Variants in SLC35F3 observed in about 807,000 individuals in gnomAD.
SLC35F3 encodes solute carrier family 35 member F3, also known as putative thiamine transporter SLC35F3.
Under a neutral mutation model 49.9 loss-of-function variants are expected in SLC35F3, and 25 were observed. The observed-to-expected ratio is 0.50, with a 90% CI of 0.37 to 0.70. The LOEUF (loss-of-function observed/expected upper bound fraction) is 0.70. SLC35F3 is among the 30% of genes least tolerant of loss of function. SLC35F3 has a pLI of 0.00. For missense variants in SLC35F3, 525 were observed against 639.8 expected, an observed-to-expected ratio of 0.82 and a Z score of 1.94; for synonymous variants, 275 against 265.4, an observed-to-expected ratio of 1.04 and a Z score of -0.35.
rs142029371 is a variant in SLC35F3, at chr1:234,271,499, G to T, written c.609-37602G>T. Among the ~76,000 whole-genome samples the T allele has an allele frequency of 3.9e-3, 590 of 152,286 alleles. 3 individuals are homozygous for T. The highest frequency in any genetic ancestry group is 5.1e-3 in the Non-Finnish European group (345 of 67,996). ...CAGAGTTTTTTCGTTTTGTGAAAGA[G>T]AAATAATGCTCTTTCTGTTATCTTT... is the stretch of plus-strand genomic sequence containing the variant. On this transcript the variant is annotated intron_variant, in intron 3 of 7. Transcript: ENST00000366618.
At chr1:233,965,266 C>T (rs531059392) in intron 2 of SLC35F3, among the ~76,000 whole-genome samples, 11 of 152,154 alleles carry the variant, frequency 7.2e-5, no homozygotes, top group African/African-American at 2.2e-4. Context: ...TCTTTGGTAC[C>T]GTTACTTGCA....
intron 3 of SLC35F3, among the ~76,000 whole-genome samples, chr1:234,275,761 A>ATATAT (rs201588632): frequency 2.2e-5 from 3 of 137,266 alleles, no homozygotes; most frequent in African/African-American, 8.3e-5. Flanking sequence ...TGAAAAAAAA[A>ATATAT]AAATATATAT....
chr1:234,201,947 T>G (rs1666906891), intron 2 of SLC35F3, among the ~76,000 whole-genome samples: 1 of 148,236 alleles, frequency 6.7e-6, no homozygotes, highest in Admixed American at 6.7e-5. Context: ...AGTTAAGGTG[T>G]GTGCAAATGC....
intron 3 of SLC35F3, among the ~76,000 whole-genome samples, chr1:234,295,448 C>T (rs756396965): frequency 2.6e-5 from 4 of 152,164 alleles, no homozygotes; most frequent in Non-Finnish European, 5.9e-5. Context: ...GCAAAGAGCA[C>T]ATTGGTCAGG....
At chr1:233,991,169 A>G (rs1190593308) in intron 2 of SLC35F3, among the ~76,000 whole-genome samples, 1 of 152,156 alleles carries the variant, frequency 6.6e-6, no homozygotes, top group Non-Finnish European at 1.5e-5. Flanking sequence ...AGCATCTTGC[A>G]GGTAGTACTC....
At chr1:234,172,137 A>G (rs1292382356) in intron 2 of SLC35F3, among the ~76,000 whole-genome samples, 1 of 152,024 alleles carries the variant, frequency 6.6e-6, no homozygotes, top group Admixed American at 6.6e-5. Flanking sequence ...TCCAGTCCAG[A>G]CCCCCACCTA....
intron 3 of SLC35F3, among the ~76,000 whole-genome samples, chr1:234,244,827 T>C (rs1667607626): frequency 6.6e-6 from 1 of 152,202 alleles, no homozygotes; most frequent in Admixed American, 6.5e-5. Flanking sequence ...TTTAGGGTCT[T>C]TAAAGTCCTG....
At chr1:233,962,465 TG>T (rs574305636) in intron 2 of SLC35F3, among the ~76,000 whole-genome samples, 136 of 152,368 alleles carry the variant, frequency 8.9e-4, no homozygotes, top group African/African-American at 3.1e-3. Flanking sequence ...TGAATTCCAA[TG>T]TGCCTTACAC....
In SLC35F3 at chr1:234,309,296, C is replaced by T. The variant is rs2102993979; in HGVS notation, c.804C>T (p.Leu268=). The T allele has an allele frequency of 1.2e-6, 2 of 1,614,222 alleles. No individual in the cohort carries two copies. Among genetic ancestry groups the T allele is most frequent in the South Asian group, 1.1e-5 (1 of 91,084 alleles). ...AFVFLLSWIV[L]RDRFMGVRIV... ...TGTTCTTGCTCTCATGGATCGTTCTCAGGGACAGATTCATGGGAGTGAGGG... is the reference window on the plus strand; with the variant it reads ...TGTTCTTGCTCTCATGGATCGTTCTTAGGGACAGATTCATGGGAGTGAGGG... The change falls in exon 4 of 8, where the codon CTC becomes CTT. Residue 268 remains leucine (L), a synonymous_variant. Transcript: ENST00000366618.
At chr1:234,283,060 G>A (rs1668354849) in intron 3 of SLC35F3, among the ~76,000 whole-genome samples, 2 of 152,202 alleles carry the variant, frequency 1.3e-5, no homozygotes, top group South Asian at 4.1e-4. Flanking sequence ...CCCAGAAACA[G>A]CCTTGGATGT....
chr1:234,184,272 A>G (rs1282816141), intron 2 of SLC35F3, among the ~76,000 whole-genome samples: 2 of 152,196 alleles, frequency 1.3e-5, no homozygotes, highest in South Asian at 2.1e-4. Flanking sequence ...TTCCCCAGGA[A>G]ATAGGATCTT....
intron 4 of SLC35F3, among the ~76,000 whole-genome samples, chr1:234,316,084 C>T (rs1446231845): frequency 6.6e-6 from 1 of 152,204 alleles, no homozygotes; most frequent in African/African-American, 2.4e-5. Flanking sequence ...TGGCAGGTGA[C>T]ATTCTGTCAG....
intron 4 of SLC35F3, among the ~76,000 whole-genome samples, chr1:234,312,701 G>T (rs1471302417): frequency 6.6e-6 from 1 of 152,178 alleles, no homozygotes; most frequent in Non-Finnish European, 1.5e-5. Context: ...CAGCTGGGAG[G>T]GAAAGAGTTG....
intron 2 of SLC35F3, among the ~76,000 whole-genome samples, chr1:233,968,705 G>A (rs138165156): frequency 6.6e-6 from 1 of 152,010 alleles, no homozygotes; most frequent in South Asian, 2.1e-4. Flanking sequence ...GGCTGGTCTT[G>A]AACTCCTTAC....
Position 234,067,874 on chromosome 1 carries a change from A to C in SLC35F3, c.283+162116A>C, listed in dbSNP as rs565281698. Among the ~76,000 whole-genome samples the C allele has an allele frequency of 6.2e-4, 95 of 152,326 alleles. 1 individual carries two copies. In the South Asian group the frequency reaches 0.016, roughly 25 times the overall value. The stretch of plus-strand genomic sequence containing the variant: ...TCATGGTGGTGGTGATTTGTTACAC[A>C]GGAAAGGGTAATTCATGCACAAGGC... On this transcript the variant is annotated intron_variant, in intron 2 of 7. Coordinates refer to ENST00000366618, the MANE Select transcript of SLC35F3 (RefSeq NM_173508.4).
intron 2 of SLC35F3, among the ~76,000 whole-genome samples, chr1:234,039,274 G>C (rs1870342): frequency 0.14 from 21,424 of 152,130 alleles, 4,310 homozygotes; most frequent in African/African-American, 0.45. Context: ...ATCCAGACAG[G>C]AGAGTATCCT....
At chr1:234,230,741 AG>A (rs2102950231) in intron 2 of SLC35F3, among the ~76,000 whole-genome samples, 1 of 152,294 alleles carries the variant, frequency 6.6e-6, no homozygotes, top group African/African-American at 2.4e-5. Context: ...CAGCTGCCAG[AG>A]GTTGTGGTTT....
intron 3 of SLC35F3, among the ~76,000 whole-genome samples, chr1:234,280,074 A>G (rs957261352): frequency 6.6e-6 from 1 of 152,300 alleles, no homozygotes; most frequent in African/African-American, 2.4e-5. Flanking sequence ...TGATCCTCAC[A>G]CAAGAGCCAC....
At chr1:233,959,448 C>T (rs896419521) in intron 2 of SLC35F3, among the ~76,000 whole-genome samples, 2 of 152,128 alleles carry the variant, frequency 1.3e-5, no homozygotes, top group African/African-American at 4.8e-5. Flanking sequence ...AAAAGCATTT[C>T]ATGGGGTAGC....
Sources: allele counts gnomAD v4.1 joint callset (sites outside exome capture counted in the v4.1 genomes callset), GRCh38; gene constraint gnomAD v4.1.1; transcripts MANE v1.5; gene names NCBI Gene and HGNC (gene_info 2026-07-23, HGNC 2026-07-21).